Variants in CALD1 observed in about 807,000 individuals in gnomAD.
The protein encoded by CALD1 is caldesmon.
Under a neutral mutation model 99.9 loss-of-function variants are expected in CALD1, and 33 were observed. The observed-to-expected ratio is 0.33, with a 90% confidence interval of 0.25 to 0.44. The LOEUF is 0.44. CALD1 is among the 20% of genes least tolerant of loss of function. The pLI is 1.00. For missense variants in CALD1, 861 were observed against 962.1 expected (o/e 0.89, Z 1.39); for synonymous variants, 310 against 325.0 (o/e 0.95, Z 0.50).
At chr7:134,860,410 A>C (rs1200280459) in intron 2 of CALD1, among the ~76,000 whole-genome samples, 2 of 152,250 alleles carry the variant, frequency 1.3e-5, no homozygotes, top group African/African-American at 4.8e-5. Flanking sequence ...TAACTACTGC[A>C]AATGTGGGTT....
intron 3 of CALD1, among the ~76,000 whole-genome samples, chr7:134,922,909 T>C (rs1228915073): frequency 6.6e-6 from 1 of 152,206 alleles, no homozygotes; most frequent in Non-Finnish European, 1.5e-5. Context: ...GAAGAGAGCT[T>C]TCCCATTGCA....
chr7:134,954,098 G>GA (rs1807582441), intron 9 of CALD1, among the ~76,000 whole-genome samples: 1 of 152,042 alleles, frequency 6.6e-6, no homozygotes, highest in African/African-American at 2.4e-5. Flanking sequence ...CCAATGGGAG[G>GA]AAAAATATTT....
chr7:134,941,412 TATATC>T (rs1295231541), intron 7 of CALD1, among the ~76,000 whole-genome samples, 175 bp downstream of exon 7: 3 of 152,228 alleles, frequency 2.0e-5, no homozygotes, highest in African/African-American at 7.2e-5. Context: ...GTCCAGTTCT[TATATC>T]ACTAACAGAA....
upstream of CALD1, among the ~76,000 whole-genome samples, chr7:134,741,886 T>C (rs1445954191): frequency 6.6e-6 from 1 of 152,212 alleles, no homozygotes; most frequent in Admixed American, 6.5e-5. Flanking sequence ...ATTCATTAAA[T>C]GCCTACTATG....
intron 1 of CALD1, among the ~76,000 whole-genome samples, chr7:134,754,089 T>A (rs1251775459): frequency 1.3e-5 from 2 of 152,176 alleles, no homozygotes. Context: ...AGCCCATCCA[T>A]CTAGATAGCC....
At chr7:134,777,003 G>C (rs1796923770), upstream of CALD1, among the ~76,000 whole-genome samples, 1 of 151,958 alleles carries the variant, frequency 6.6e-6, no homozygotes, top group South Asian at 2.1e-4. Flanking sequence ...CCTTTATCTA[G>C]GATGATCCAA....
At chr7:134,754,752 C>CTAA (rs1562989284) in intron 1 of CALD1, among the ~76,000 whole-genome samples, 3 of 151,542 alleles carry the variant, frequency 2.0e-5, no homozygotes, top group African/African-American at 7.3e-5. Flanking sequence ...AACTACTAAA[C>CTAA]GCTAACTATG....
the CALD1 span, among the ~76,000 whole-genome samples, chr7:134,726,765 A>G: frequency 6.6e-6 from 1 of 152,200 alleles, no homozygotes; most frequent in African/African-American, 2.4e-5. Context: ...TGTATTTCAC[A>G]GACTTCAAAA....
chr7:134,777,053 C>T (rs145219652), upstream of CALD1, among the ~76,000 whole-genome samples: 2 of 152,128 alleles, frequency 1.3e-5, no homozygotes, highest in Middle Eastern at 3.4e-3. Flanking sequence ...ATATAAATCT[C>T]GTGTATTTTT....
chr7:134,964,516 G>A (rs897129739), intron 13 of CALD1, among the ~76,000 whole-genome samples: 2 of 152,128 alleles, frequency 1.3e-5, no homozygotes, highest in African/African-American at 4.8e-5. Context: ...TGCTCCTGGG[G>A]ATGTTATAAT....
intron 8 of CALD1, 33 bp downstream of exon 8, chr7:134,947,802 C>G: frequency 1.3e-6 from 2 of 1,594,422 alleles, no homozygotes; most frequent in Admixed American, 3.6e-5. Flanking sequence ...GAGAACGTTG[C>G]CCGGGAAAAT....
chr7:134,920,614 A>G, intron 3 of CALD1: 2 of 1,289,206 alleles, frequency 1.6e-6, no homozygotes, highest in Non-Finnish European at 2.0e-6. Flanking sequence ...ATCTCCATCG[A>G]CCAACACTGC....
the CALD1 span, among the ~76,000 whole-genome samples, chr7:134,711,740 CTCTG>C: frequency 9.5e-5 from 14 of 147,364 alleles, no homozygotes; most frequent in South Asian, 4.3e-4. Context: ...CTCTCTCTGT[CTCTG>C]TCTGTCTCTC....
At chr7:134,786,983 G>A (rs1274851145) in intron 1 of CALD1, among the ~76,000 whole-genome samples, 1 of 152,190 alleles carries the variant, frequency 6.6e-6, no homozygotes, top group Non-Finnish European at 1.5e-5. Flanking sequence ...GGCATCTGTA[G>A]TTTGTAAAAG....
At chr7:134,955,584 T>C (rs1407695478) in intron 9 of CALD1, among the ~76,000 whole-genome samples, 1 of 152,204 alleles carries the variant, frequency 6.6e-6, no homozygotes, top group African/African-American at 2.4e-5. Context: ...GCCTTCTTAC[T>C]GTGTCTTCAC....
chr7:134,947,832 G>C (rs1417450189), intron 8 of CALD1, 63 bp downstream of exon 8: 1 of 1,552,554 alleles, frequency 6.4e-7, no homozygotes, highest in East Asian at 2.3e-5. Context: ...CCGTGCGGCT[G>C]TTCTTTTGAG....
chr7:134,952,730 A>C (rs1807452915), intron 9 of CALD1, among the ~76,000 whole-genome samples: 1 of 152,046 alleles, frequency 6.6e-6, no homozygotes, highest in Non-Finnish European at 1.5e-5. Flanking sequence ...TGGTCTCCCA[A>C]AGTGCTGGGA....
intron 3 of CALD1, among the ~76,000 whole-genome samples, chr7:134,924,095 A>G (rs541552698): frequency 9.8e-4 from 149 of 152,358 alleles, no homozygotes; most frequent in African/African-American, 3.3e-3. Context: ...TATTGCTAAC[A>G]TGTTAAAAAT....
At chr7:134,882,222 T>C (rs1801639014) in intron 3 of CALD1, among the ~76,000 whole-genome samples, 1 of 152,228 alleles carries the variant, frequency 6.6e-6, no homozygotes, top group Admixed American at 6.5e-5. Flanking sequence ...CGTTGTGTCT[T>C]CTAAACACTG....
Sources: gnomAD v4.1 joint callset for allele counts (sites outside exome capture counted in the v4.1 genomes callset) on GRCh38, gnomAD v4.1.1 for gene constraint, MANE v1.5 for transcripts, NCBI Gene and HGNC (gene_info 2026-07-23, HGNC 2026-07-21) for gene names.